The following MICAL2 variants were observed in gnomAD, a reference collection of about 807,000 sequenced individuals.
MICAL2 encodes the protein microtubule associated monooxygenase, calponin and LIM domain containing 2, also known as [F-actin]-monooxygenase MICAL2.
MICAL2 carries 77 observed loss-of-function variants against 127.3 expected under a neutral mutation model. That is an observed-to-expected ratio of 0.60 (90% CI 0.50 to 0.73). The LOEUF (loss-of-function observed/expected upper bound fraction) is 0.73, where lower values mean the gene tolerates loss of function less well. MICAL2 is among the 30% of genes least tolerant of loss of function. The pLI is 0.00. For missense variants in MICAL2, 1,351 were observed against 1,434.4 expected, an observed-to-expected ratio of 0.94 and a Z score of 0.94; for synonymous variants, 570 against 551.1, an observed-to-expected ratio of 1.03 and a Z score of -0.48.
At position 12,218,602 on chromosome 11, in the gene MICAL2, C is replaced by T. The variant is rs995097798; in HGVS notation, c.949-1599C>T. ...TTCCCCCATCTCACCTCCACGCCTTCGGAGAGAGAAGTGATCATGTGACCG... is the reference window on the plus strand; with the variant it reads ...TTCCCCCATCTCACCTCCACGCCTTTGGAGAGAGAAGTGATCATGTGACCG... On this transcript the variant is annotated intron_variant, in intron 8 of 27. Coordinates refer to ENST00000683283, the MANE Select transcript of MICAL2 (RefSeq NM_001282663.2). Among the ~76,000 whole-genome samples, 4 of 152,104 alleles carry T rather than the reference C, an allele frequency of 2.6e-5. 1 individual carries two copies. Among genetic ancestry groups the T allele is most frequent in the Middle Eastern group, 6.4e-3 (2 of 314 alleles).
At position 12,252,043 on chromosome 11, in the gene MICAL2, G is replaced by T. The variant is rs578261107; in HGVS notation, c.2847+2797G>T. On this transcript the variant is annotated intron_variant, in intron 22 of 27. Coordinates refer to ENST00000683283, the MANE Select transcript of MICAL2 (RefSeq NM_001282663.2). ...CCGTTCACACACTGTGCCAGTGGAG[G>T]CAGTCACACAAGGGGCTGGGCAGGC... 1.5e-4 allele frequency among the ~76,000 whole-genome samples: 23 copies of T among 152,302 alleles called. No homozygotes were observed. The South Asian group carries it at 2.3e-3, about 15-fold the overall frequency.
At chr11:12,351,615 G>C (rs1939046766) in intron 33 of MICAL2, among the ~76,000 whole-genome samples, 1 of 152,132 alleles carries the variant, frequency 6.6e-6, no homozygotes, top group Non-Finnish European at 1.5e-5. Context: ...GGAGTGAGTT[G>C]AGCTCACGTA....
downstream of MICAL2, chr11:12,358,601 AT>A: frequency 2.2e-6 from 2 of 926,986 alleles, no homozygotes; most frequent in South Asian, 2.2e-5. Context: ...ACCTTACTGC[AT>A]TTTTTAAAAT....
downstream of MICAL2, among the ~76,000 whole-genome samples, chr11:12,359,967 C>T (rs989041813): frequency 5.9e-5 from 9 of 152,130 alleles, no homozygotes; most frequent in Non-Finnish European, 8.8e-5. Context: ...CCAATCTGGC[C>T]AGCTCACAAG....
intron 29 of MICAL2, among the ~76,000 whole-genome samples, chr11:12,316,994 A>C (rs1447875495): frequency 6.6e-6 from 1 of 152,198 alleles, no homozygotes; most frequent in Non-Finnish European, 1.5e-5. Flanking sequence ...GTCCTAAAGA[A>C]GCTTTCAAGA....
At chr11:12,354,830 A>C in exon 34 of MICAL2, 4 of 1,614,062 alleles carry the variant, frequency 2.5e-6, no homozygotes, top group Non-Finnish European at 3.4e-6. Flanking sequence ...ACTGGAGCAG[A>C]AACTGAGAGA....
intron 2 of MICAL2, among the ~76,000 whole-genome samples, chr11:12,284,079 T>C (rs980129312): frequency 1.3e-5 from 2 of 152,234 alleles, no homozygotes; most frequent in Non-Finnish European, 2.9e-5. Flanking sequence ...AAGGCCTTCC[T>C]AGATGAATTC....
chr11:12,260,650 C>T, intron 26 of MICAL2: 1 of 986,518 alleles, frequency 1.0e-6, no homozygotes, highest in Non-Finnish European at 1.2e-6. Context: ...CCAGATGCCA[C>T]TTGTCAGCAG....
At chr11:12,354,866 G>T (rs1441933114) in intron 34 of MICAL2, 3 of 1,612,726 alleles carry the variant, frequency 1.9e-6, no homozygotes, top group Admixed American at 1.7e-5. Context: ...GGGTGAGTAT[G>T]CTTGGGCCTT....
intron 30 of MICAL2, among the ~76,000 whole-genome samples, chr11:12,321,965 C>T (rs6485659): frequency 0.85 from 128,363 of 151,386 alleles, 54,544 homozygotes; most frequent in Non-Finnish European, 0.88. Flanking sequence ...CAAGGAAAGG[C>T]AGTATAGACC....
chr11:12,292,929 C>T (rs1455932991), downstream of MICAL2, among the ~76,000 whole-genome samples: 1 of 152,144 alleles, frequency 6.6e-6, no homozygotes, highest in Non-Finnish European at 1.5e-5. Context: ...CATGTTCCCT[C>T]TTTGCCAAGG....
chr11:12,143,401 A>G (rs1260631028), intron 2 of MICAL2, among the ~76,000 whole-genome samples: 2 of 152,238 alleles, frequency 1.3e-5, no homozygotes, highest in Non-Finnish European at 1.5e-5. Context: ...ACTTGCTGCT[A>G]GGTGAGATTC....
chr11:12,233,650 ACT>A (rs563693984), intron 15 of MICAL2, among the ~76,000 whole-genome samples: 1 of 152,146 alleles, frequency 6.6e-6, no homozygotes, highest in Non-Finnish European at 1.5e-5. Context: ...TGGTATATAG[ACT>A]CTTTCAAATC....
intron 21 of MICAL2, among the ~76,000 whole-genome samples, chr11:12,248,546 A>G (rs1316085958): frequency 6.6e-6 from 1 of 152,032 alleles, no homozygotes; most frequent in Non-Finnish European, 1.5e-5. Flanking sequence ...GGCAAGTGGG[A>G]GGGGTGGGGG....
At chr11:12,129,265 C>T (rs2133537464) in intron 1 of MICAL2, among the ~76,000 whole-genome samples, 1 of 152,310 alleles carries the variant, frequency 6.6e-6, no homozygotes, top group African/African-American at 2.4e-5. Flanking sequence ...AAGACCCCAC[C>T]TCTCAGGATT....
At chr11:12,200,588 T>A (rs1243322917) in intron 3 of MICAL2, among the ~76,000 whole-genome samples, 1 of 152,238 alleles carries the variant, frequency 6.6e-6, no homozygotes, top group Non-Finnish European at 1.5e-5. Flanking sequence ...CTTGATAACA[T>A]CTGTACCGAA....
At chr11:12,200,529 G>A (rs138716418) in intron 3 of MICAL2, among the ~76,000 whole-genome samples, 29 of 152,318 alleles carry the variant, frequency 1.9e-4, no homozygotes, top group African/African-American at 6.3e-4. Context: ...CAGCAAGTGC[G>A]TTCAGAGAAG....
At chr11:12,324,960 T>C (rs1345044235) in intron 31 of MICAL2, among the ~76,000 whole-genome samples, 2 of 152,192 alleles carry the variant, frequency 1.3e-5, no homozygotes, top group Admixed American at 6.5e-5. Context: ...ATGATATTGA[T>C]TGGCAAACTA....
intron 32 of MICAL2, among the ~76,000 whole-genome samples, chr11:12,333,825 C>G (rs1030031491): frequency 6.6e-6 from 1 of 152,060 alleles, no homozygotes. Context: ...AAAACATGTA[C>G]TATCTTATGG....
Sources: gnomAD v4.1 joint callset for allele counts (sites outside exome capture counted in the v4.1 genomes callset) on GRCh38, gnomAD v4.1.1 for gene constraint, MANE v1.5 for transcripts, NCBI Gene and HGNC (gene_info 2026-07-23, HGNC 2026-07-21) for gene names.